The following SOS2 variants were observed in gnomAD, a reference collection of about 807,000 sequenced individuals.
SOS2 encodes the protein son of sevenless homolog 2.
Under a neutral mutation model 148.2 loss-of-function variants are expected in SOS2, and 65 were observed. The ratio of observed to expected loss-of-function variants is 0.44; its 90% CI spans 0.36 to 0.54. SOS2 has a LOEUF of 0.54. SOS2 is among the 20% of genes least tolerant of loss of function. SOS2 has a pLI of 0.00. For synonymous variants in SOS2, 539 were observed against 537.1 expected (o/e 1.00, Z -0.05); for missense variants, 1,341 against 1,590.2 (o/e 0.84, Z 2.67).
chr14:50,135,090 AAAG>A (rs1263793456), intron 18 of SOS2, among the ~76,000 whole-genome samples: 1,115 of 97,136 alleles, frequency 0.011, 24 homozygotes, highest in African/African-American at 0.044. Context: ...AAAAAAAAAA[AAAG>A]AAAGAAAGAA....
chr14:50,159,285 C>CT, intron 10 of SOS2, 146 bp downstream of exon 10: 1 of 533,030 alleles, frequency 1.9e-6, no homozygotes, highest in East Asian at 2.9e-5. Flanking sequence ...TTAATTCCTT[C>CT]TCTTATTTAT....
At chr14:50,145,679 A>G in intron 14 of SOS2, 83 bp from the exon 15 acceptor site, 4 of 895,088 alleles carry the variant, frequency 4.5e-6, no homozygotes, top group Non-Finnish European at 6.9e-6. Flanking sequence ...TAAGAAAAAG[A>G]CAATTAACCC....
At chr14:50,207,240 C>T (rs564565617) in intron 1 of SOS2, among the ~76,000 whole-genome samples, 1 of 152,200 alleles carries the variant, frequency 6.6e-6, no homozygotes, top group South Asian at 2.1e-4. Flanking sequence ...TAGCTCAGCA[C>T]AGTGGTTCAT....
rs372589247 is a variant in SOS2 at position 50,204,528 on chromosome 14, CA to C, written c.88-120del. The C allele has an allele frequency of 7.0e-4, 435 of 621,152 alleles. 3 individuals are homozygous for C. Among genetic ancestry groups the C allele is most frequent in the African/African-American group, 6.5e-3 (334 of 51,388 alleles). 38.5% of individuals were successfully genotyped at this position (621,152 alleles called of 1,614,324 possible). On this transcript the variant is annotated intron_variant, in intron 1 of 22. Transcript: ENST00000216373. ...GGTTACTCAAAACAGACATAAAACA[CA>C]AAATGAAGAAAAAAACTATTTGTTG... is the stretch of plus-strand genomic sequence containing the variant.
At chr14:50,162,140 T>C (rs1315724196) in intron 8 of SOS2, among the ~76,000 whole-genome samples, 1 of 151,898 alleles carries the variant, frequency 6.6e-6, no homozygotes, top group East Asian at 1.9e-4. Context: ...TAAAAACCAT[T>C]CGGACATTTT....
Position 50,203,535 on chromosome 14 carries a change from C to G in SOS2, c.213+749G>C, listed in dbSNP as rs193043322. ...AGATATTGCTAAAAATCCAAAAATA[C>G]TCCCATGTAACCAAGGCAAAACAAT... On this transcript the variant is annotated intron_variant, in intron 2 of 22. Transcript: ENST00000216373. 5.3e-5 allele frequency among the ~76,000 whole-genome samples: 8 copies of G among 152,126 alleles called. No homozygotes were observed. The East Asian group carries it at 1.2e-3, about 22-fold the overall frequency.
intron 4 of SOS2, among the ~76,000 whole-genome samples, chr14:50,199,162 G>C (rs977734359): frequency 3.3e-5 from 5 of 152,076 alleles, no homozygotes; most frequent in African/African-American, 1.2e-4. Flanking sequence ...CAAATAACAG[G>C]AAGAAGAATA....
chr14:50,169,743 T>C (rs1885299044), intron 8 of SOS2, among the ~76,000 whole-genome samples: 1 of 152,160 alleles, frequency 6.6e-6, no homozygotes. Flanking sequence ...CATGCAACAA[T>C]TTATATTGCA....
At chr14:50,147,332 A>G (rs539754711) in intron 14 of SOS2, among the ~76,000 whole-genome samples, 3 of 151,816 alleles carry the variant, frequency 2.0e-5, no homozygotes, top group African/African-American at 7.3e-5. Context: ...ACATAGCAAG[A>G]CCTCATCTCT....
chr14:50,200,274 G>A (rs963748484), intron 3 of SOS2, among the ~76,000 whole-genome samples: 4 of 151,916 alleles, frequency 2.6e-5, no homozygotes, highest in East Asian at 1.9e-4. Flanking sequence ...TGAGGCAGGC[G>A]GGGCGGGGGG....
rs926017163 is a variant in SOS2, at chr14:50,125,019, T to C, written c.3380-4635A>G. On this transcript the variant is annotated intron_variant, in intron 21 of 22. Coordinates refer to ENST00000216373, the MANE Select transcript of SOS2 (RefSeq NM_006939.4). ...CGATGGCACAGTGTTATGGGTTGAA[T>C]TGTGTTCCCCCAAAGATATGATGAA... Among the ~76,000 whole-genome samples the C allele has an allele frequency of 5.9e-5, 9 of 152,222 alleles. 1 individual carries two copies. Among genetic ancestry groups the C allele is most frequent in the Admixed American group, 3.9e-4 (6 of 15,288 alleles).
intron 11 of SOS2, among the ~76,000 whole-genome samples, chr14:50,157,915 A>G (rs1884870313): frequency 6.6e-6 from 1 of 152,162 alleles, no homozygotes. Context: ...AAAGTTAATC[A>G]TAATAAAGGA....
At chr14:50,121,613 T>A (rs1280150407) in intron 21 of SOS2, among the ~76,000 whole-genome samples, 1 of 141,642 alleles carries the variant, frequency 7.1e-6, no homozygotes, top group South Asian at 2.3e-4. Context: ...TGTGGGGAGG[T>A]TAGGCAGAGG....
At chr14:50,171,886 A>G (rs929712557) in intron 8 of SOS2, among the ~76,000 whole-genome samples, 1 of 152,108 alleles carries the variant, frequency 6.6e-6, no homozygotes, top group African/African-American at 2.4e-5. Context: ...CTGGTTGGCA[A>G]ACAGGATTTG....
chr14:50,161,532 T>C lies in SOS2; in HGVS notation c.1146A>G (p.Gln382=), dbSNP rs1178247373. The change falls in exon 9 of 23, where the codon CAA becomes CAG. Residue 382 remains glutamine, a synonymous_variant. Coordinates refer to ENST00000216373, the MANE Select transcript of SOS2 (RefSeq NM_006939.4). ...GCTTGTAAATTCGGTCCATGCTACC[T>C]TGGAGATTCATGAGAGCAGTAATAG... ...NQAITALMNL[Q]GSMDRIYKQY... 2.5e-6 allele frequency: 4 copies of C among 1,612,878 alleles called. No homozygotes were observed. Among genetic ancestry groups the C allele is most frequent in the South Asian group, 2.2e-5 (2 of 91,064 alleles).
At chr14:50,186,183 C>T (rs1394913059) in intron 5 of SOS2, among the ~76,000 whole-genome samples, 1 of 151,958 alleles carries the variant, frequency 6.6e-6, no homozygotes, top group Non-Finnish European at 1.5e-5. Flanking sequence ...TTATATTTTA[C>T]TTAATGCTAA....
At chr14:50,195,305 A>C (rs765994827) in intron 4 of SOS2, among the ~76,000 whole-genome samples, 1 of 152,218 alleles carries the variant, frequency 6.6e-6, no homozygotes, top group African/African-American at 2.4e-5. Flanking sequence ...TGTTGGTCAG[A>C]CCAAATCTGG....
rs555188927 is a variant in SOS2 at position 50,204,417 on chromosome 14, A to G, written c.88-8T>C. On this transcript the variant is annotated splice_polypyrimidine_tract_variant and splice_region_variant and intron_variant, in intron 1 of 22. Coordinates refer to ENST00000216373, the MANE Select transcript of SOS2 (RefSeq NM_006939.4). ...ATGCACTTGTTCCTGAACCTTTAAA[A>G]AAAAGTTATCAGTTAAAGTAATGGC... The G allele has an allele frequency of 1.8e-5, 27 of 1,530,702 alleles. No homozygotes were observed. The South Asian group carries it at 3.3e-4, about 18-fold the overall frequency. The allele number at this position is 1,530,702 out of a possible 1,614,324, so 94.8% of individuals were successfully genotyped here. A position where few individuals can be genotyped will look rare whatever the true frequency, so the allele number is the denominator to read the frequency against.
Position 50,139,943 on chromosome 14 carries a change from A to G in SOS2, c.2784T>C (p.Phe928=). ...ATATATCCATATTTAGTAACTTACC[A>G]AAAAAAGGCACACAAGGTGGATTGA... ...KSINPPCVPF[F]GIYLTNILKT... is the part of the protein sequence containing the mutation. The change falls in exon 17 of 23, where the codon TTT becomes TTC. Residue 928 remains phenylalanine (F), a splice_region_variant and synonymous_variant. Coordinates refer to ENST00000216373, the MANE Select transcript of SOS2 (RefSeq NM_006939.4). The G allele has an allele frequency of 6.8e-7, 1 of 1,476,800 alleles. No homozygotes were observed. Among genetic ancestry groups the G allele is most frequent in the African/African-American group, 1.4e-5 (1 of 72,358 alleles). The allele number at this position is 1,476,800 out of a possible 1,614,324, so 91.5% of individuals were successfully genotyped here.
Sources: allele counts gnomAD v4.1 joint callset (sites outside exome capture counted in the v4.1 genomes callset), GRCh38; gene constraint gnomAD v4.1.1; transcripts MANE v1.5; gene names NCBI Gene and HGNC (gene_info 2026-07-23, HGNC 2026-07-21).